MYO18B: variants seen among roughly 807,000 people sequenced by gnomAD.
MYO18B encodes the protein myosin XVIIIB.
Under a neutral mutation model 273.0 loss-of-function variants are expected in MYO18B, and 204 were observed. The ratio of observed to expected loss-of-function variants is 0.75; its 90% CI spans 0.67 to 0.84. The LOEUF is 0.84. Ranked by LOEUF, MYO18B falls within the 40% of genes least tolerant of loss-of-function variation. MYO18B has a pLI of 0.00. For synonymous variants in MYO18B, 1,330 were observed against 1,305.7 expected, an observed-to-expected ratio of 1.02 and a Z score of -0.40; for missense variants, 3,212 against 3,287.6, an observed-to-expected ratio of 0.98 and a Z score of 0.56.
chr22:25,868,307 A>AT lies in MYO18B; in HGVS notation c.3886-7dup, dbSNP rs760824109. On this transcript the variant is annotated splice_polypyrimidine_tract_variant and intron_variant, in intron 21 of 43. Coordinates refer to ENST00000335473, the MANE Select transcript of MYO18B (RefSeq NM_032608.7). ...TTCTATGCTGTCTAACTTCTCTCTA[A>AT]TTTTTTCCCCAGGCCGTGGAGGAGC... The AT allele has an allele frequency of 2.2e-5, 35 of 1,592,918 alleles. No homozygotes were observed. In the Admixed American group the frequency reaches 2.3e-4, roughly 10 times the overall value.
Position 26,027,397 on chromosome 22 carries a change from T to G in MYO18B, c.7423T>G (p.Phe2475Val). 1 of 1,613,908 alleles carries G rather than the reference T, an allele frequency of 6.2e-7. No individual in the cohort carries two copies. The highest frequency in any genetic ancestry group is 8.5e-7 in the Non-Finnish European group (1 of 1,179,866). ...CGGTTCACAGCGTTCAAGCATCCAC[T>G]TTGAAACGGAAGAGGCTAACCGTTC... ...QDGSQRSSIH[F>V]ETEEANRSFL... Residue 2475 changes from phenylalanine (F) to valine (V), a missense_variant, in exon 43 of 44, where the codon TTT (phenylalanine) becomes GTT (valine). Transcript: ENST00000335473. This position sits in a 1 kb window ranked among gnomAD's most constrained non-coding sequence, Gnocchi z 4.1.
intron 1 of MYO18B, chr22:25,756,350 G>A (rs2086121261): frequency 6.6e-6 from 1 of 152,228 alleles, no homozygotes. Context: ...CATTGGGCAT[G>A]TGACCTCATT....
chr22:25,859,184 A>T (rs2090658758), intron 21 of MYO18B, among the ~76,000 whole-genome samples: 1 of 152,130 alleles, frequency 6.6e-6, no homozygotes, highest in Non-Finnish European at 1.5e-5. Context: ...AGGCTTTAAT[A>T]TTTGCCTTAA....
intron 31 of MYO18B, among the ~76,000 whole-genome samples, chr22:25,904,438 A>G (rs1345238299): frequency 6.6e-6 from 1 of 152,192 alleles, no homozygotes; most frequent in Admixed American, 6.5e-5. Flanking sequence ...CGGATGTAGA[A>G]GTTGAGACTC....
rs756148077 is a variant in MYO18B, at chr22:26,004,801, C to T, written c.6416C>T (p.Thr2139Ile). 3 of 1,613,838 alleles carry T rather than the reference C, an allele frequency of 1.9e-6. No individual in the cohort carries two copies. The highest frequency in any genetic ancestry group is 1.3e-5 in the African/African-American group (1 of 74,930). Residue 2139 changes from threonine (T) to isoleucine (I), a missense_variant, in exon 42 of 44, where the codon ACT becomes ATT. Physicochemically the swap from Thr to Ile is moderately conservative, Grantham distance 89. Coordinates refer to ENST00000335473, the MANE Select transcript of MYO18B (RefSeq NM_032608.7). Reference sequence around the variant, plus strand: ...TGTACTCTGTCCCTGGCCACAGATACTATGAGGACTCCTTCTCGACAGTCA... The same window carrying T: ...TGTACTCTGTCCCTGGCCACAGATATTATGAGGACTCCTTCTCGACAGTCA... ...LSCTLSLATD[T>I]MRTPSRQSAT...
At chr22:26,025,570 C>T (rs1394165575) in intron 42 of MYO18B, among the ~76,000 whole-genome samples, 1 of 152,044 alleles carries the variant, frequency 6.6e-6, no homozygotes, top group East Asian at 2.0e-4. Flanking sequence ...AGTGCCAACA[C>T]TCTGACATTT....
intron 21 of MYO18B, among the ~76,000 whole-genome samples, chr22:25,854,270 A>G (rs763498777): frequency 4.7e-5 from 7 of 148,014 alleles, no homozygotes; most frequent in Non-Finnish European, 1.0e-4. Flanking sequence ...AAAATAGCAT[A>G]TGTCTTTTAT....
intron 12 of MYO18B, among the ~76,000 whole-genome samples, chr22:25,820,889 A>G (rs2089252950): frequency 6.6e-6 from 1 of 152,020 alleles, no homozygotes; most frequent in African/African-American, 2.4e-5. Context: ...ACTTTTATGA[A>G]ATCTTTTTTT....
intron 39 of MYO18B, among the ~76,000 whole-genome samples, chr22:25,964,549 G>T (rs2092956689): frequency 6.6e-6 from 1 of 152,066 alleles, no homozygotes; most frequent in African/African-American, 2.4e-5. Context: ...TGACATCTAG[G>T]ATCAGATCAT....
chr22:25,792,922 G>A (rs372682265), intron 11 of MYO18B, among the ~76,000 whole-genome samples: 1 of 152,192 alleles, frequency 6.6e-6, no homozygotes, highest in Non-Finnish European at 1.5e-5. Context: ...CCAGCCCATG[G>A]TGTGTGCTCT....
At chr22:25,885,900 C>T (rs2091484254) in intron 25 of MYO18B, among the ~76,000 whole-genome samples, 1 of 152,208 alleles carries the variant, frequency 6.6e-6, no homozygotes, top group East Asian at 1.9e-4. Context: ...CATAACCTTT[C>T]TCCTGGCATT....
intron 1 of MYO18B, among the ~76,000 whole-genome samples, chr22:25,744,585 T>A (rs1241910356): frequency 6.6e-6 from 1 of 151,642 alleles, no homozygotes; most frequent in Non-Finnish European, 1.5e-5. Context: ...CAAAAAAAAA[T>A]TAGCCGGGCG....
intron 34 of MYO18B, among the ~76,000 whole-genome samples, chr22:25,945,683 T>C (rs931393212): frequency 7.8e-6 from 1 of 127,688 alleles, no homozygotes; most frequent in Non-Finnish European, 1.7e-5. Flanking sequence ...AGGAGGCCTC[T>C]CCTCTCCCCT....
At chr22:25,829,050 C>T in intron 15 of MYO18B, 82 bp downstream of exon 15, 3 of 1,429,094 alleles carry the variant, frequency 2.1e-6, no homozygotes, top group East Asian at 2.3e-5. Flanking sequence ...GATTCCCATT[C>T]CCCAGGAGCC....
chr22:25,873,080 G>T (rs2091092114), intron 22 of MYO18B, among the ~76,000 whole-genome samples: 1 of 152,250 alleles, frequency 6.6e-6, no homozygotes, highest in African/African-American at 2.4e-5. Context: ...AGCAGGCCTG[G>T]CCCAGAAGCT....
chr22:25,921,206 C>T, intron 33 of MYO18B, 51 bp from the exon 34 acceptor site: 17 of 1,515,592 alleles, frequency 1.1e-5, no homozygotes, highest in Non-Finnish European at 1.5e-5. Context: ...AAACTTAGAC[C>T]CTGGCCACTG....
At chr22:25,858,918 T>C (rs2090651185) in intron 21 of MYO18B, among the ~76,000 whole-genome samples, 1 of 152,230 alleles carries the variant, frequency 6.6e-6, no homozygotes, top group Admixed American at 6.5e-5. Context: ...TCTGAGCACA[T>C]ACTGTGTCTA....
rs375848862 is a variant in MYO18B at position 25,846,132 on chromosome 22, C to A, written c.3401C>A (p.Ala1134Asp). 1.9e-6 allele frequency: 3 copies of A among 1,596,362 alleles called. No individual in the cohort carries two copies. In the African/African-American group the frequency reaches 4.0e-5, roughly 21 times the overall value. Residue 1134 changes from alanine to aspartate, a missense_variant, in exon 19 of 44, where the codon GCC becomes GAC. Physicochemically the swap from Ala to Asp is moderately radical, Grantham distance 126. Transcript: ENST00000335473. ...EELRSLFQARAKLPPVCRAVA... is the reference protein window; with the variant it reads ...EELRSLFQARDKLPPVCRAVA... ...CTGCGGAGTCTATTCCAGGCCCGGG[C>A]CAAGCTGCCTCCTGTGTGCCGGGCT...
intron 34 of MYO18B, among the ~76,000 whole-genome samples, chr22:25,941,649 A>G (rs1473920139): frequency 6.6e-6 from 1 of 152,234 alleles, no homozygotes; most frequent in Non-Finnish European, 1.5e-5. Flanking sequence ...AGGTGGCCCC[A>G]TATTTCTTTC....
Sources: allele counts gnomAD v4.1 joint callset (sites outside exome capture counted in the v4.1 genomes callset), GRCh38; gene constraint gnomAD v4.1.1; non-coding constraint Gnocchi (gnomAD v3.1); transcripts MANE v1.5; gene names NCBI Gene and HGNC (gene_info 2026-07-23, HGNC 2026-07-21).